MYO1C: variants seen among roughly 807,000 people sequenced by gnomAD.
MYO1C encodes unconventional myosin-Ic.
MYO1C carries 104 observed loss-of-function variants against 150.8 expected under a neutral mutation model. That is an observed-to-expected ratio of 0.69 (90% confidence interval 0.59 to 0.81). The LOEUF (loss-of-function observed/expected upper bound fraction) is 0.81, where lower values mean the gene tolerates loss of function less well. Among genes scored for constraint, MYO1C ranks in the 30% least tolerant of loss-of-function variants. The pLI is 0.00. For synonymous variants in MYO1C, 663 were observed against 579.9 expected (o/e 1.14, Z -2.06); for missense variants, 1,504 against 1,435.0 (o/e 1.05, Z -0.78).
Position 1,492,496 on chromosome 17 carries a change from G to T in MYO1C, c.-9C>A. The T allele has an allele frequency of 6.3e-7, 1 of 1,596,340 alleles. No individual in the cohort carries two copies. Among genetic ancestry groups the T allele is most frequent in the Non-Finnish European group, 8.5e-7 (1 of 1,171,846 alleles). On this transcript the variant is annotated 5_prime_UTR_variant, in exon 1 of 32. Coordinates refer to ENST00000648651, the MANE Select transcript of MYO1C (RefSeq NM_001080779.2). Reference sequence around the variant, plus strand: ...TCCACTTGCAGCGCCATTCCGCCCTGCGGAGAGCCAGCGGCCTGGGCACCG... The same window carrying T: ...TCCACTTGCAGCGCCATTCCGCCCTTCGGAGAGCCAGCGGCCTGGGCACCG...
At chr17:1,465,827 G>C (rs369737695) in intron 31 of MYO1C, 75 bp from the exon 32 acceptor site, 1 of 1,143,956 alleles carries the variant, frequency 8.7e-7, no homozygotes, top group Admixed American at 3.1e-5. Flanking sequence ...TTTTCTTTTC[G>C]TCCTTGTTTT....
Position 1,470,276 on chromosome 17 carries a change from GGAA to G in MYO1C, c.2422_2424del (p.Phe808del), listed in dbSNP as rs1274635173. 95 of 1,597,678 alleles carry G rather than the reference GGAA, an allele frequency of 5.9e-5. No individual in the cohort carries two copies. Among genetic ancestry groups the G allele is most frequent in the Non-Finnish European group, 7.8e-5 (91 of 1,172,880 alleles). The stretch of plus-strand genomic sequence containing the variant: ...AAAAAAGAGGTGCGCACATGGTCCA[GGAA>G]GAAGGCGTTCTCGGGGCAGCGGGGG... On this transcript the variant is annotated inframe_deletion, in exon 24 of 32. Transcript: ENST00000648651.
Position 1,492,449 on chromosome 17 carries a change from G to T in MYO1C, c.39C>A (p.Ile13=), listed in dbSNP as rs377419402. The part of the protein sequence containing the change: ...LQVELVPTGE[I]IRVVHPHRPC... ...GCCTGTGGGGATGAACCACGCGGAT[G>T]ATCTCCCCGGTGGGTACCAGCTCCA... Residue 13 remains isoleucine (I), a synonymous_variant, in exon 1 of 32, where the codon ATC becomes ATA. Coordinates refer to ENST00000648651, the MANE Select transcript of MYO1C (RefSeq NM_001080779.2). 43 of 1,607,942 alleles carry T rather than the reference G, an allele frequency of 2.7e-5. No individual in the cohort carries two copies. In the African/African-American group the frequency reaches 4.9e-4, roughly 18 times the overall value.
Position 1,478,042 on chromosome 17 carries a change from A to G in MYO1C, c.1401+45T>C. 3 of 1,611,628 alleles carry G rather than the reference A, an allele frequency of 1.9e-6. No individual in the cohort carries two copies. The highest frequency in any genetic ancestry group is 2.5e-6 in the Non-Finnish European group (3 of 1,177,780). Reference sequence around the variant, plus strand: ...CCCTCTCCCAGGGGCCCCGATACCCAGGCTCCCCGTGGCCCACGGAGAGTG... The same window carrying G: ...CCCTCTCCCAGGGGCCCCGATACCCGGGCTCCCCGTGGCCCACGGAGAGTG... On this transcript the variant is annotated intron_variant, in intron 12 of 31. Transcript: ENST00000648651. This position sits in a 1 kb window ranked among gnomAD's most constrained non-coding sequence, Gnocchi z 6.3.
At chr17:1,470,026 CAA>C (rs535565714) in intron 24 of MYO1C, 147 bp downstream of exon 24, 15 of 740,832 alleles carry the variant, frequency 2.0e-5, no homozygotes, top group Middle Eastern at 4.3e-4. Flanking sequence ...GACTCCATCT[CAA>C]AAAAAAAAGA....
chr17:1,467,873 C>G lies in MYO1C; in HGVS notation c.2934G>C (p.Val978=), dbSNP rs778635225. The G allele has an allele frequency of 6.2e-7, 1 of 1,610,064 alleles. No homozygotes were observed. The highest frequency in any genetic ancestry group is 1.1e-5 in the South Asian group (1 of 90,842). Residue 978 remains valine (V), a synonymous_variant, in exon 29 of 32, where the codon GTG becomes GTC. Transcript: ENST00000648651. ...TATTGTCCGCACGCTGTACATGAAG[C>G]ACAAAAAGACTGTCGCTCAGGCTGC... ...SVSSLSDSLF[V]LHVQRADNKQ...
intron 1 of MYO1C, chr17:1,486,895 G>C (rs1407117451): frequency 1.3e-5 from 2 of 152,386 alleles, no homozygotes; most frequent in Non-Finnish European, 2.9e-5. Context: ...AAGCGGCCTC[G>C]GCAGAACCTC....
At position 1,480,730 on chromosome 17, in the gene MYO1C, G is replaced by C. The variant is rs373772296; in HGVS notation, c.783C>G (p.Pro261=). 123 of 1,614,024 alleles carry C rather than the reference G, an allele frequency of 7.6e-5. No individual in the cohort carries two copies. The highest frequency in any genetic ancestry group is 3.3e-4 in the Middle Eastern group (2 of 6,084). Residue 261 remains proline (P), a synonymous_variant, in exon 6 of 32, where the codon CCC becomes CCG. Transcript: ENST00000648651. The part of the protein sequence containing the change: ...TLRRLGLERN[P]QSYLYLVKGQ... The stretch of plus-strand genomic sequence containing the variant: ...CCTTCACCAGGTACAGGTAGCTCTG[G>C]GGGTTCCGTTCCAAGCCCAGCCTGC...
intron 19 of MYO1C, 84 bp from the exon 20 acceptor site, chr17:1,471,420 G>T (rs1216746845): frequency 3.6e-6 from 4 of 1,120,324 alleles, no homozygotes; most frequent in African/African-American, 1.5e-5. Flanking sequence ...GGCACCTGCT[G>T]GGTGCTCCCA....
At chr17:1,481,874 C>T (rs934035326) in intron 5 of MYO1C, among the ~76,000 whole-genome samples, 3 of 151,896 alleles carry the variant, frequency 2.0e-5, no homozygotes, top group African/African-American at 7.3e-5. Flanking sequence ...GGGCCTGCAC[C>T]GTTTGGCCTC....
In MYO1C at chr17:1,479,155, C is replaced by T. The variant is rs1488444105; in HGVS notation, c.1092+276G>A. ...GATTACAGGCGCCCGCCACCATGCC[C>T]GGCTAATTTTTGTATTCTTAGTAGA... On this transcript the variant is annotated intron_variant, in intron 9 of 31. Transcript: ENST00000648651. This position sits in a 1 kb window ranked among gnomAD's most constrained non-coding sequence, Gnocchi z 4.2. 2.6e-5 allele frequency among the ~76,000 whole-genome samples: 4 copies of T among 152,228 alleles called. No individual in the cohort carries two copies. The highest frequency in any genetic ancestry group is 2.1e-4 in the South Asian group (1 of 4,810).
intron 25 of MYO1C, chr17:1,468,721 G>A (rs1016172504): frequency 5.6e-5 from 33 of 586,644 alleles, no homozygotes; most frequent in Middle Eastern, 4.5e-4. Context: ...AAGGCACTGC[G>A]GGGTTTTGAA....
At chr17:1,484,496 G>A in intron 1 of MYO1C, 193 bp from the exon 2 acceptor site, 1 of 661,224 alleles carries the variant, frequency 1.5e-6, no homozygotes, top group Non-Finnish European at 2.6e-6. Context: ...CGGAAAGCCG[G>A]GTGTGGAGGG....
chr17:1,485,561 T>A, intron 1 of MYO1C: 1 of 685,086 alleles, frequency 1.5e-6, no homozygotes, highest in East Asian at 7.9e-5. Flanking sequence ...CTCCTCCCCC[T>A]GCAACTTCCC....
At chr17:1,485,412 G>A (rs2074631783) in intron 1 of MYO1C, 10 of 956,894 alleles carry the variant, frequency 1.0e-5, no homozygotes, top group Non-Finnish European at 1.3e-5. Context: ...CCAATCCCGC[G>A]CCGAAGCGGC....
chr17:1,480,144 C>CAAA (rs34326248), intron 7 of MYO1C, among the ~76,000 whole-genome samples: 1,200 of 42,524 alleles, frequency 0.028, 60 homozygotes, highest in African/African-American at 0.083. Context: ...GACTCCATCT[C>CAAA]AAAAAAAAAA....
intron 3 of MYO1C, 111 bp downstream of exon 3, chr17:1,483,499 C>T: frequency 1.3e-6 from 1 of 792,984 alleles, no homozygotes; most frequent in Admixed American, 2.1e-5. Flanking sequence ...TGGGATTCCT[C>T]ACAGATGTGG....
At chr17:1,488,468 T>G (rs1598350577) in intron 1 of MYO1C, among the ~76,000 whole-genome samples, 1 of 152,216 alleles carries the variant, frequency 6.6e-6, no homozygotes, top group African/African-American at 2.4e-5. Context: ...GCCTCCTGCG[T>G]TCTCCGCGCT....
chr17:1,470,106 C>T (rs1407450574), intron 24 of MYO1C, 69 bp downstream of exon 24: 4 of 1,490,480 alleles, frequency 2.7e-6, no homozygotes, highest in Non-Finnish European at 3.6e-6. Flanking sequence ...AATCCTTTGG[C>T]CCGAAGAAAT....
Sources: allele counts gnomAD v4.1 joint callset (sites outside exome capture counted in the v4.1 genomes callset), GRCh38; gene constraint gnomAD v4.1.1; non-coding constraint Gnocchi (gnomAD v3.1); transcripts MANE v1.5; gene names NCBI Gene and HGNC (gene_info 2026-07-23, HGNC 2026-07-21).